The following MET variants were observed in gnomAD, a reference collection of about 807,000 sequenced individuals.
MET encodes the protein hepatocyte growth factor receptor.
A neutral mutation model predicts 133.1 loss-of-function variants in MET; 48 were observed. The observed-to-expected ratio is 0.36, with a 90% CI of 0.29 to 0.46. The LOEUF (loss-of-function observed/expected upper bound fraction) is 0.46. Among genes scored for constraint, MET ranks in the 20% least tolerant of loss-of-function variants. MET has a pLI of 1.00. For synonymous variants in MET, 628 were observed against 616.5 expected, an observed-to-expected ratio of 1.02 and a Z score of -0.28; for missense variants, 1,442 against 1,695.9, an observed-to-expected ratio of 0.85 and a Z score of 2.63.
chr7:116,674,543 C>A (rs1796086374), intron 1 of MET, among the ~76,000 whole-genome samples: 1 of 152,206 alleles, frequency 6.6e-6, no homozygotes, highest in African/African-American at 2.4e-5. Flanking sequence ...TTCTGCAGAT[C>A]TACATAATAG....
intron 2 of MET, among the ~76,000 whole-genome samples, chr7:116,703,673 AT>A (rs918582413): frequency 1.3e-5 from 2 of 152,118 alleles, no homozygotes; most frequent in African/African-American, 4.8e-5. Context: ...TAAGGGATTG[AT>A]TAATGTGACA....
chr7:116,712,202 CT>C (rs1259567971), intron 2 of MET, among the ~76,000 whole-genome samples: 2 of 152,190 alleles, frequency 1.3e-5, no homozygotes, highest in East Asian at 3.8e-4. Flanking sequence ...CAAGTGAACA[CT>C]TTTTCCCTAT....
intron 17 of MET, 39 bp from the exon 18 acceptor site, chr7:116,781,949 A>T (rs2117059093): frequency 8.2e-7 from 1 of 1,216,574 alleles, no homozygotes. Flanking sequence ...AGAACAGTAG[A>T]TGCTTAGTTT....
chr7:116,733,665 C>T (rs1793108398), intron 3 of MET, among the ~76,000 whole-genome samples: 1 of 151,904 alleles, frequency 6.6e-6, no homozygotes, highest in African/African-American at 2.4e-5. Flanking sequence ...AACTATGCAT[C>T]CAAAACAAAA....
At chr7:116,690,937 G>A (rs1796761833) in intron 1 of MET, among the ~76,000 whole-genome samples, 2 of 152,148 alleles carry the variant, frequency 1.3e-5, no homozygotes, top group African/African-American at 4.8e-5. Flanking sequence ...ATGTCATTAG[G>A]AATCTTCTAT....
chr7:116,717,613 T>G (rs951451504), intron 2 of MET, among the ~76,000 whole-genome samples: 3 of 152,182 alleles, frequency 2.0e-5, no homozygotes, highest in African/African-American at 7.2e-5. Context: ...TTCTGGTAAT[T>G]TAGTCATGGT....
At chr7:116,677,562 G>A (rs1414093360) in intron 1 of MET, among the ~76,000 whole-genome samples, 2 of 152,166 alleles carry the variant, frequency 1.3e-5, no homozygotes, top group African/African-American at 2.4e-5. Context: ...TTAAAATGTT[G>A]ACTCAGTGTC....
chr7:116,723,818 C>A (rs1338321338), intron 2 of MET, among the ~76,000 whole-genome samples: 10 of 152,216 alleles, frequency 6.6e-5, no homozygotes, highest in Non-Finnish European at 1.5e-4. Flanking sequence ...CAGGGACCCA[C>A]TTGAGGAGGC....
At chr7:116,788,955 G>T (rs768719446) in intron 19 of MET, among the ~76,000 whole-genome samples, 15 of 152,172 alleles carry the variant, frequency 9.9e-5, no homozygotes, top group Non-Finnish European at 1.6e-4. Flanking sequence ...CTTTTGCAAT[G>T]GGTGTTGTAA....
chr7:116,681,127 C>T (rs1796342394), intron 1 of MET, among the ~76,000 whole-genome samples: 1 of 152,174 alleles, frequency 6.6e-6, no homozygotes, highest in East Asian at 1.9e-4. Context: ...TCTATCCAGT[C>T]CTAAATTGGG....
chr7:116,699,204 G>C lies in MET; in HGVS notation c.120G>C (p.Lys40Asn), dbSNP rs1254638714. Residue 40 changes from lysine (K) to asparagine (N), a missense_variant, in exon 2 of 21, where the codon AAG becomes AAC. Coordinates refer to ENST00000397752, the MANE Select transcript of MET (RefSeq NM_000245.4). ...LAKSEMNVNM[K>N]YQLPNFTAET... Reference sequence around the variant, plus strand: ...AGTCCGAGATGAATGTGAATATGAAGTATCAGCTTCCCAACTTCACCGCGG... The same window carrying C: ...AGTCCGAGATGAATGTGAATATGAACTATCAGCTTCCCAACTTCACCGCGG... 1 of 1,613,956 alleles carries C rather than the reference G, an allele frequency of 6.2e-7. No individual in the cohort carries two copies. The highest frequency in any genetic ancestry group is 8.5e-7 in the Non-Finnish European group (1 of 1,179,906).
rs1562929055 is a variant in MET at position 116,769,632 on chromosome 7, T to A, written c.2584-13T>A. On this transcript the variant is annotated splice_polypyrimidine_tract_variant and intron_variant, in intron 11 of 20. Transcript: ENST00000397752. Reference sequence around the variant, plus strand: ...GAAGTGTTAACAACCTTTTTTTTTTTTTTTCCTTTCAGGGAAATGATATTG... The same window carrying A: ...GAAGTGTTAACAACCTTTTTTTTTTATTTTCCTTTCAGGGAAATGATATTG... 1.2e-6 allele frequency: 2 copies of A among 1,612,960 alleles called. No homozygotes were observed. Among genetic ancestry groups the A allele is most frequent in the East Asian group, 4.5e-5 (2 of 44,848 alleles).
chr7:116,728,326 T>C (rs188611134), intron 2 of MET, among the ~76,000 whole-genome samples: 1 of 152,320 alleles, frequency 6.6e-6, no homozygotes, highest in East Asian at 1.9e-4. Context: ...AGAGACATAA[T>C]TTAATCCTAT....
chr7:116,689,981 T>G (rs1051199410), intron 1 of MET, among the ~76,000 whole-genome samples: 4 of 152,090 alleles, frequency 2.6e-5, no homozygotes, highest in Non-Finnish European at 5.9e-5. Flanking sequence ...CTTCAAGAAC[T>G]TGAACCGAGG....
intron 2 of MET, among the ~76,000 whole-genome samples, chr7:116,721,718 A>T (rs1792491999): frequency 6.6e-6 from 1 of 151,772 alleles, no homozygotes; most frequent in African/African-American, 2.4e-5. Flanking sequence ...GAACATCTTT[A>T]TTTCTGCCTT....
At chr7:116,747,727 A>C (rs1390326041) in intron 5 of MET, among the ~76,000 whole-genome samples, 5 of 152,326 alleles carry the variant, frequency 3.3e-5, no homozygotes, top group African/African-American at 1.2e-4. Flanking sequence ...GGAGACAGAA[A>C]GTTAACAAGG....
intron 1 of MET, 27 bp from the exon 2 acceptor site, chr7:116,699,044 G>T (rs1797062137): frequency 2.5e-6 from 4 of 1,613,206 alleles, no homozygotes; most frequent in Non-Finnish European, 3.4e-6. Flanking sequence ...CAACTGAACT[G>T]CTCTCGCCTT....
At chr7:116,714,665 GTT>G (rs1011734549) in intron 2 of MET, among the ~76,000 whole-genome samples, 8 of 151,980 alleles carry the variant, frequency 5.3e-5, no homozygotes, top group African/African-American at 1.7e-4. Flanking sequence ...ACGATAGCCT[GTT>G]TTTATATTCT....
intron 2 of MET, among the ~76,000 whole-genome samples, chr7:116,705,391 C>T (rs529524400): frequency 3.5e-4 from 54 of 152,220 alleles, no homozygotes; most frequent in Middle Eastern, 3.4e-3. Flanking sequence ...TTACAAATAA[C>T]ATCCATGTGA....
Sources: gnomAD v4.1 joint callset for allele counts (sites outside exome capture counted in the v4.1 genomes callset) on GRCh38, gnomAD v4.1.1 for gene constraint, MANE v1.5 for transcripts, NCBI Gene and HGNC (gene_info 2026-07-23, HGNC 2026-07-21) for gene names.